CDC42BPA: variants seen among roughly 807,000 people sequenced by gnomAD.
CDC42BPA encodes the protein CDC42 binding protein kinase alpha, also known as serine/threonine-protein kinase MRCK alpha.
In CDC42BPA, 80 loss-of-function variants were observed where a neutral mutation model predicts 223.5. That is an observed-to-expected ratio of 0.36 (90% confidence interval 0.30 to 0.43). CDC42BPA has a LOEUF of 0.43. Ranked by LOEUF, CDC42BPA falls within the 20% of genes least tolerant of loss-of-function variation. The pLI is 1.00. For synonymous variants in CDC42BPA, 694 were observed against 718.6 expected, an observed-to-expected ratio of 0.97 and a Z score of 0.55; for missense variants, 1,743 against 2,099.9, an observed-to-expected ratio of 0.83 and a Z score of 3.32.
At chr1:227,265,341 A>C in intron 1 of CDC42BPA, 1 of 353,562 alleles carries the variant, frequency 2.8e-6, no homozygotes. Flanking sequence ...CATAACCCTC[A>C]CAGGGTCATG....
chr1:226,998,810 TAA>T (rs1332997797), intron 35 of CDC42BPA, among the ~76,000 whole-genome samples: 1 of 152,082 alleles, frequency 6.6e-6, no homozygotes, highest in Non-Finnish European at 1.5e-5. Flanking sequence ...CTAATTAAAC[TAA>T]AGAGCTTCTG....
intron 3 of CDC42BPA, among the ~76,000 whole-genome samples, chr1:227,200,894 G>A (rs897790366): frequency 9.9e-5 from 15 of 152,202 alleles, no homozygotes; most frequent in African/African-American, 3.4e-4. Context: ...CATGACGGGT[G>A]TGAAATAATA....
intron 2 of CDC42BPA, among the ~76,000 whole-genome samples, chr1:227,248,363 C>CCA (rs373762769): frequency 1.3e-4 from 18 of 143,076 alleles, no homozygotes; most frequent in Admixed American, 4.8e-4. Flanking sequence ...CCTAAAGACT[C>CCA]CACACACACA....
intron 1 of CDC42BPA, among the ~76,000 whole-genome samples, chr1:227,261,113 A>AT (rs1202443473): frequency 2.6e-5 from 2 of 76,768 alleles, no homozygotes; most frequent in African/African-American, 9.7e-5. Context: ...TAACAGAATA[A>AT]TTGAGTTTTT....
chr1:227,019,725 T>C (rs1667019086), intron 32 of CDC42BPA, among the ~76,000 whole-genome samples: 1 of 152,166 alleles, frequency 6.6e-6, no homozygotes, highest in African/African-American at 2.4e-5. Flanking sequence ...AGATTTTGGG[T>C]GACTTAGGTG....
Position 227,187,014 on chromosome 1 carries a change from A to C in CDC42BPA, c.599+6772T>G, listed in dbSNP as rs76677796. On this transcript the variant is annotated intron_variant, in intron 5 of 36. Transcript: ENST00000366766. The stretch of plus-strand genomic sequence containing the variant: ...TTAAAAACCCACTTGTAACACTGCT[A>C]ATCAGAATGTATATTCAAGGCAAAT... Among the ~76,000 whole-genome samples the C allele has an allele frequency of 2.7e-3, 412 of 152,338 alleles. 12 individuals carry two copies. The East Asian group carries it at 0.052, about 19-fold the overall frequency.
chr1:227,315,388 G>A (rs1015081943), intron 1 of CDC42BPA, among the ~76,000 whole-genome samples: 5 of 151,858 alleles, frequency 3.3e-5, no homozygotes, highest in Non-Finnish European at 7.4e-5. Flanking sequence ...GAAGGCAATG[G>A]AGGATACAGT....
In CDC42BPA at chr1:227,222,122, A is replaced by G. The variant is rs1009728090; in HGVS notation, c.271-8903T>C. 2.7e-5 allele frequency among the ~76,000 whole-genome samples: 4 copies of G among 150,706 alleles called. No homozygotes were observed. In the South Asian group the frequency reaches 8.4e-4, roughly 32 times the overall value. On this transcript the variant is annotated intron_variant, in intron 2 of 36. Coordinates refer to ENST00000366766, the MANE Select transcript of CDC42BPA (RefSeq NM_001394014.1). ...GTGGTGCATGCCTGTGATCCCAGCT[A>G]CTTGGGAGGCTGAGATGGGAGCTTG...
At chr1:227,154,676 T>C (rs1005511968) in intron 6 of CDC42BPA, among the ~76,000 whole-genome samples, 14 of 152,022 alleles carry the variant, frequency 9.2e-5, no homozygotes, top group Non-Finnish European at 1.3e-4. Flanking sequence ...ATCTAGGTAA[T>C]GGATTAATAG....
chr1:227,047,160 T>C (rs1012148176), intron 23 of CDC42BPA, among the ~76,000 whole-genome samples: 2 of 152,150 alleles, frequency 1.3e-5, no homozygotes, highest in African/African-American at 2.4e-5. Flanking sequence ...TATTTAGTTA[T>C]TTCAGCAGTT....
At chr1:227,167,361 T>G (rs1280624474) in intron 5 of CDC42BPA, among the ~76,000 whole-genome samples, 3 of 152,330 alleles carry the variant, frequency 2.0e-5, no homozygotes, top group East Asian at 3.9e-4. Flanking sequence ...GAAAATACTC[T>G]TTAAGATGAC....
chr1:227,084,427 C>G (rs1681377083), intron 16 of CDC42BPA, among the ~76,000 whole-genome samples: 1 of 151,114 alleles, frequency 6.6e-6, no homozygotes. Context: ...ACTTGGGAGG[C>G]TGAGGCAGGA....
chr1:226,995,701 C>G (rs1661474615), intron 35 of CDC42BPA, among the ~76,000 whole-genome samples: 1 of 152,168 alleles, frequency 6.6e-6, no homozygotes, highest in South Asian at 2.1e-4. Flanking sequence ...CAGCAGCATT[C>G]ACAGGAAGAA....
chr1:227,302,502 T>G (rs1279667433), intron 1 of CDC42BPA, among the ~76,000 whole-genome samples: 1 of 152,194 alleles, frequency 6.6e-6, no homozygotes, highest in East Asian at 1.9e-4. Context: ...CTGATTCTTA[T>G]CCTTTGTATT....
chr1:227,139,493 G>T, intron 10 of CDC42BPA, 83 bp downstream of exon 10: 1 of 926,852 alleles, frequency 1.1e-6, no homozygotes, highest in Non-Finnish European at 1.5e-6. Flanking sequence ...TTTTTTCAAA[G>T]ATAAAACAAC....
intron 3 of CDC42BPA, among the ~76,000 whole-genome samples, chr1:227,210,693 G>T (rs1297504157): frequency 1.3e-5 from 2 of 152,196 alleles, no homozygotes; most frequent in East Asian, 3.9e-4. Context: ...TTTTTTAAAA[G>T]TTCTAACTCT....
intron 1 of CDC42BPA, among the ~76,000 whole-genome samples, chr1:227,301,651 C>T (rs577601038): frequency 7.2e-5 from 11 of 152,282 alleles, no homozygotes; most frequent in African/African-American, 2.6e-4. Flanking sequence ...AGCCACTGTG[C>T]CCAGCCGGAT....
rs755848113 is a variant in CDC42BPA at position 227,029,039 on chromosome 1, T to C, written c.4050A>G (p.Thr1350=). ...TSGKVRHGAL[T]CLCVAMKRQV... is the part of the protein sequence containing the mutation. ...GCCTTTTCATAGCCACACACAGGCA[T>C]GTGAGAGCTCCATGGCGCACCTTTC... is the stretch of plus-strand genomic sequence containing the variant. Residue 1350 remains threonine (T), a synonymous_variant, in exon 30 of 37, where the codon ACA becomes ACG. Coordinates refer to ENST00000366766, the MANE Select transcript of CDC42BPA (RefSeq NM_001394014.1). The C allele has an allele frequency of 1.9e-6, 3 of 1,614,142 alleles. No homozygotes were observed. The highest frequency in any genetic ancestry group is 4.5e-5 in the East Asian group (2 of 44,882).
chr1:227,176,796 C>T (rs1373312697), intron 5 of CDC42BPA, among the ~76,000 whole-genome samples: 1 of 152,020 alleles, frequency 6.6e-6, no homozygotes, highest in Non-Finnish European at 1.5e-5. Context: ...AACAACATTC[C>T]TAAAATTCTT....
Sources: allele counts gnomAD v4.1 joint callset (sites outside exome capture counted in the v4.1 genomes callset), GRCh38; gene constraint gnomAD v4.1.1; transcripts MANE v1.5; gene names NCBI Gene and HGNC (gene_info 2026-07-23, HGNC 2026-07-21).